PKN2: variants seen among roughly 807,000 people sequenced by gnomAD.
PKN2 encodes the protein serine/threonine-protein kinase N2.
In PKN2, 38 loss-of-function variants were observed where a neutral mutation model predicts 119.1. The ratio of observed to expected loss-of-function variants is 0.32; its 90% CI spans 0.25 to 0.42. PKN2 has a LOEUF of 0.42. PKN2 is among the 10% of genes least tolerant of loss of function. The pLI is 1.00. For missense variants in PKN2, 850 were observed against 1,165.1 expected, an observed-to-expected ratio of 0.73 and a Z score of 3.94; for synonymous variants, 390 against 384.9, an observed-to-expected ratio of 1.01 and a Z score of -0.15.
chr1:88,694,737 T>C (rs562370863), intron 1 of PKN2, among the ~76,000 whole-genome samples: 15 of 152,258 alleles, frequency 9.9e-5, no homozygotes, highest in Admixed American at 8.5e-4. Flanking sequence ...AATAAGAGTT[T>C]TTGTTGTTCC....
chr1:88,731,460 G>T (rs1570547023), intron 1 of PKN2, among the ~76,000 whole-genome samples: 1 of 152,352 alleles, frequency 6.6e-6, no homozygotes, highest in East Asian at 1.9e-4. Flanking sequence ...GCCCCTGGAA[G>T]AAGATGGTAT....
At chr1:88,827,248 A>C (rs1401306063) in intron 18 of PKN2, among the ~76,000 whole-genome samples, 1 of 152,140 alleles carries the variant, frequency 6.6e-6, no homozygotes, top group Non-Finnish European at 1.5e-5. Context: ...ATATTTAAAA[A>C]CTAGTTAGCC....
At chr1:88,758,922 C>T (rs112898541) in intron 2 of PKN2, among the ~76,000 whole-genome samples, 6,060 of 152,260 alleles carry the variant, frequency 0.04, 280 homozygotes, top group African/African-American at 0.1. Context: ...ATTGCTGGGT[C>T]GAACGGTATT....
At chr1:88,786,255 A>G (rs767009025) in intron 8 of PKN2, 42 bp downstream of exon 8, 2 of 995,718 alleles carry the variant, frequency 2.0e-6, no homozygotes, top group Admixed American at 4.1e-5. Flanking sequence ...ATTATAATTC[A>G]TTTTAAATGT....
At chr1:88,694,057 A>C (rs1666430946) in intron 1 of PKN2, among the ~76,000 whole-genome samples, 1 of 152,196 alleles carries the variant, frequency 6.6e-6, no homozygotes, top group Admixed American at 6.5e-5. Context: ...GCGTCCCTAC[A>C]TATGTACATA....
At chr1:88,752,305 G>C (rs886493121) in intron 2 of PKN2, among the ~76,000 whole-genome samples, 3 of 151,602 alleles carry the variant, frequency 2.0e-5, no homozygotes, top group Non-Finnish European at 4.4e-5. Flanking sequence ...GTTAATCCTG[G>C]TAATTTTGGA....
chr1:88,716,294 A>T (rs921334787), intron 1 of PKN2, among the ~76,000 whole-genome samples: 1 of 152,172 alleles, frequency 6.6e-6, no homozygotes, highest in African/African-American at 2.4e-5. Flanking sequence ...AGAGTTCTGT[A>T]GATGTCTATT....
At chr1:88,780,144 A>G (rs547266282) in intron 6 of PKN2, among the ~76,000 whole-genome samples, 13 of 152,304 alleles carry the variant, frequency 8.5e-5, no homozygotes, top group African/African-American at 3.1e-4. Context: ...TAGTTTCCAA[A>G]CTGATTCCAA....
chr1:88,771,018 C>A (rs1467743824), intron 4 of PKN2, among the ~76,000 whole-genome samples: 3 of 151,282 alleles, frequency 2.0e-5, no homozygotes. Flanking sequence ...CAAGTACTTA[C>A]AATCAGTCTT....
At chr1:88,793,645 G>C (rs908924089) in intron 8 of PKN2, among the ~76,000 whole-genome samples, 8 of 152,074 alleles carry the variant, frequency 5.3e-5, no homozygotes, top group African/African-American at 2.4e-5. Flanking sequence ...CATGGGGAAC[G>C]ATTTCAGGAC....
intron 1 of PKN2, among the ~76,000 whole-genome samples, chr1:88,686,610 T>C (rs944392125): frequency 6.6e-5 from 10 of 152,130 alleles, no homozygotes; most frequent in African/African-American, 2.4e-4. Context: ...AGTCATTTTC[T>C]TGGTTTATTT....
intron 1 of PKN2, among the ~76,000 whole-genome samples, chr1:88,696,241 C>T (rs544963536): frequency 2.6e-5 from 4 of 152,264 alleles, no homozygotes; most frequent in East Asian, 3.9e-4. Context: ...TCTGATTAAC[C>T]GCCAAAACCT....
chr1:88,702,903 G>C (rs549167013), intron 1 of PKN2, among the ~76,000 whole-genome samples: 1 of 152,220 alleles, frequency 6.6e-6, no homozygotes, highest in Non-Finnish European at 1.5e-5. Flanking sequence ...CTTTATTGTT[G>C]TGGTCAGGGA....
intron 17 of PKN2, 86 bp downstream of exon 17, chr1:88,822,089 A>G (rs868180801): frequency 6.7e-6 from 8 of 1,191,688 alleles, no homozygotes; most frequent in Admixed American, 7.0e-5. Flanking sequence ...TAAACATTTT[A>G]TGTTTAACCA....
At chr1:88,750,099 TA>T (rs1668928443) in intron 2 of PKN2, among the ~76,000 whole-genome samples, 1 of 152,202 alleles carries the variant, frequency 6.6e-6, no homozygotes, top group Non-Finnish European at 1.5e-5. Context: ...AGACAATATG[TA>T]CCCTATCTAG....
chr1:88,803,832 A>G (rs1237235334), intron 8 of PKN2, among the ~76,000 whole-genome samples: 1 of 152,170 alleles, frequency 6.6e-6, no homozygotes, highest in Non-Finnish European at 1.5e-5. Flanking sequence ...CGTACGCAGA[A>G]TGGGTCTTGC....
intron 8 of PKN2, among the ~76,000 whole-genome samples, chr1:88,799,443 C>G (rs1487169962): frequency 2.0e-5 from 3 of 152,170 alleles, no homozygotes; most frequent in Non-Finnish European, 4.4e-5. Flanking sequence ...TGTTTTTCCC[C>G]AGTGGATTCC....
intron 6 of PKN2, among the ~76,000 whole-genome samples, chr1:88,783,095 A>G (rs1670419173): frequency 6.6e-6 from 1 of 152,216 alleles, no homozygotes; most frequent in Admixed American, 6.5e-5. Context: ...GCTGGTGGTA[A>G]CAAACACTAT....
chr1:88,718,174 C>T (rs1667531394), intron 1 of PKN2, among the ~76,000 whole-genome samples: 1 of 152,300 alleles, frequency 6.6e-6, no homozygotes, highest in South Asian at 2.1e-4. Flanking sequence ...GCTGCCTGAT[C>T]CTTCCTCTGG....
Sources: allele counts gnomAD v4.1 joint callset (sites outside exome capture counted in the v4.1 genomes callset), GRCh38; gene constraint gnomAD v4.1.1; transcripts MANE v1.5; gene names NCBI Gene and HGNC (gene_info 2026-07-23, HGNC 2026-07-21).